Variants in SLC41A2 observed in about 807,000 individuals in gnomAD.
The protein encoded by SLC41A2 is SLC41A1-like 1.
Under a neutral mutation model 58.3 loss-of-function variants are expected in SLC41A2, and 32 were observed. The observed-to-expected ratio is 0.55, with a 90% CI of 0.41 to 0.74. The LOEUF is 0.74. Among genes scored for constraint, SLC41A2 ranks in the 30% least tolerant of loss-of-function variants. SLC41A2 has a pLI of 0.00. For missense variants in SLC41A2, 514 were observed against 680.6 expected, an observed-to-expected ratio of 0.76 and a Z score of 2.72; for synonymous variants, 190 against 235.0, an observed-to-expected ratio of 0.81 and a Z score of 1.75.
chr12:104,905,329 G>C (rs139873604), intron 3 of SLC41A2, among the ~76,000 whole-genome samples: 8,151 of 152,090 alleles, frequency 0.054, 294 homozygotes, highest in East Asian at 0.11. Context: ...ACGGAGTGTC[G>C]ATTGGTGCAC....
At chr12:104,823,978 A>G (rs1356947074) in intron 10 of SLC41A2, among the ~76,000 whole-genome samples, 1 of 152,212 alleles carries the variant, frequency 6.6e-6, no homozygotes, top group Non-Finnish European at 1.5e-5. Flanking sequence ...TCACTATAGT[A>G]ACCATTTTAC....
intron 8 of SLC41A2, among the ~76,000 whole-genome samples, chr12:104,850,559 C>T (rs2042761283): frequency 6.6e-6 from 1 of 152,068 alleles, no homozygotes; most frequent in South Asian, 2.1e-4. Flanking sequence ...TTTTTAATTG[C>T]AGAAAAAATG....
At chr12:104,826,809 T>C (rs1042936008) in intron 10 of SLC41A2, among the ~76,000 whole-genome samples, 18 of 152,204 alleles carry the variant, frequency 1.2e-4, no homozygotes, top group African/African-American at 3.6e-4. Flanking sequence ...TGGAGAGACA[T>C]TATGTCACTT....
At chr12:104,910,737 A>G (rs927551315) in intron 2 of SLC41A2, among the ~76,000 whole-genome samples, 1 of 148,514 alleles carries the variant, frequency 6.7e-6, no homozygotes. Flanking sequence ...ACCAAATTCC[A>G]AACAGTCTTT....
At chr12:104,924,107 T>C (rs1186719696) in intron 2 of SLC41A2, among the ~76,000 whole-genome samples, 1 of 152,106 alleles carries the variant, frequency 6.6e-6, no homozygotes, top group African/African-American at 2.4e-5. Flanking sequence ...ACAGCTCCCA[T>C]AAATCTATAA....
chr12:104,875,084 T>C (rs1266487730), intron 6 of SLC41A2, among the ~76,000 whole-genome samples: 1 of 152,230 alleles, frequency 6.6e-6, no homozygotes, highest in Non-Finnish European at 1.5e-5. Flanking sequence ...ATATTTTATT[T>C]AACACAGTGT....
At chr12:104,894,439 A>G (rs2045183192) in intron 4 of SLC41A2, among the ~76,000 whole-genome samples, 1 of 152,220 alleles carries the variant, frequency 6.6e-6, no homozygotes, top group African/African-American at 2.4e-5. Context: ...AGTTAAATAG[A>G]TTAACAAAGG....
intron 10 of SLC41A2, among the ~76,000 whole-genome samples, chr12:104,812,718 G>A (rs1033673658): frequency 1.3e-5 from 2 of 152,158 alleles, no homozygotes; most frequent in Non-Finnish European, 2.9e-5. Flanking sequence ...GCAGTGGCCC[G>A]GGGCACCAAA....
At chr12:104,828,438 G>A (rs2041926719) in intron 10 of SLC41A2, among the ~76,000 whole-genome samples, 1 of 152,188 alleles carries the variant, frequency 6.6e-6, no homozygotes, top group African/African-American at 2.4e-5. Flanking sequence ...CTTGCAATAA[G>A]GCAGGAGTCT....
chr12:104,872,368 G>A (rs2043828322), intron 6 of SLC41A2, among the ~76,000 whole-genome samples: 1 of 152,152 alleles, frequency 6.6e-6, no homozygotes, highest in African/African-American at 2.4e-5. Context: ...GGAGTGGAGA[G>A]GAAAAGGGGG....
At chr12:104,834,615 C>T (rs2042146853) in intron 10 of SLC41A2, among the ~76,000 whole-genome samples, 1 of 151,758 alleles carries the variant, frequency 6.6e-6, no homozygotes, top group Non-Finnish European at 1.5e-5. Context: ...GTTTAAATCT[C>T]CTGGTTGCTT....
chr12:104,868,423 G>A (rs910076222), intron 6 of SLC41A2, among the ~76,000 whole-genome samples: 21 of 152,244 alleles, frequency 1.4e-4, no homozygotes, highest in African/African-American at 5.1e-4. Flanking sequence ...ATCTCTGGAA[G>A]GACATCTGAA....
intron 6 of SLC41A2, among the ~76,000 whole-genome samples, chr12:104,885,090 A>AT (rs1388421340): frequency 6.6e-5 from 10 of 152,262 alleles, no homozygotes; most frequent in Non-Finnish European, 1.2e-4. Context: ...TAATATACTT[A>AT]AACATGTATC....
Position 104,895,343 on chromosome 12 carries a change from T to A in SLC41A2, c.666A>T (p.Val222=). 1.2e-6 allele frequency: 2 copies of A among 1,610,856 alleles called. No individual in the cohort carries two copies. The highest frequency in any genetic ancestry group is 1.7e-6 in the Non-Finnish European group (2 of 1,177,472). Residue 222 remains valine, a splice_region_variant and synonymous_variant, in exon 4 of 11, where the codon GTA becomes GTT. Transcript: ENST00000258538. ...TGGGTGAATCCATCTTCCCAATATT[T>A]ACCTGTTAAAGTGGATATTTTCATG... ...MTLASRLSTA[V]NIGKMDSPIE... is the part of the protein sequence containing the mutation.
At chr12:104,929,427 C>T (rs1387397972) in intron 1 of SLC41A2, among the ~76,000 whole-genome samples, 8 of 152,230 alleles carry the variant, frequency 5.3e-5, no homozygotes, top group Non-Finnish European at 1.0e-4. Flanking sequence ...AAGCTTGTAA[C>T]GCACTTATTT....
intron 7 of SLC41A2, among the ~76,000 whole-genome samples, chr12:104,865,097 G>T (rs773794784): frequency 1.3e-5 from 2 of 152,110 alleles, no homozygotes; most frequent in Non-Finnish European, 2.9e-5. Context: ...TTTCATTAAA[G>T]GACTCACAAG....
chr12:104,880,990 AGAGCCTGTTATT>A (rs2044339155), intron 6 of SLC41A2, among the ~76,000 whole-genome samples: 1 of 152,168 alleles, frequency 6.6e-6, no homozygotes, highest in Non-Finnish European at 1.5e-5. Flanking sequence ...TCTCAATTTC[AGAGCCTGTTATT>A]GGTCTATTCA....
At chr12:104,870,988 T>C (rs2043742225) in intron 6 of SLC41A2, among the ~76,000 whole-genome samples, 1 of 152,114 alleles carries the variant, frequency 6.6e-6, no homozygotes, top group Non-Finnish European at 1.5e-5. Context: ...CAAGATAAAT[T>C]TAGATTCTAC....
At chr12:104,880,111 CTGTT>C (rs1193711530) in intron 6 of SLC41A2, among the ~76,000 whole-genome samples, 2 of 152,088 alleles carry the variant, frequency 1.3e-5, no homozygotes, top group Non-Finnish European at 2.9e-5. Context: ...ATTTGGCTCT[CTGTT>C]TGTCTGTTAT....
Sources: allele counts gnomAD v4.1 joint callset (sites outside exome capture counted in the v4.1 genomes callset), GRCh38; gene constraint gnomAD v4.1.1; transcripts MANE v1.5; gene names NCBI Gene and HGNC (gene_info 2026-07-23, HGNC 2026-07-21).